Variants in KIAA1328 observed in about 807,000 individuals in gnomAD.
KIAA1328 encodes protein hinderin.
In KIAA1328, 52 loss-of-function variants were observed where a neutral mutation model predicts 68.1. The ratio of observed to expected loss-of-function variants is 0.76; its 90% CI spans 0.61 to 0.96. The LOEUF (loss-of-function observed/expected upper bound fraction) is 0.96, where lower values mean the gene tolerates loss of function less well. Among genes scored for constraint, KIAA1328 ranks in the 40% least tolerant of loss-of-function variants. The probability of loss-of-function intolerance (pLI) is 0.00; values close to 1 mark genes in which losing one functional copy is unlikely to be tolerated. For missense variants in KIAA1328, 641 were observed against 677.6 expected (o/e 0.95, Z 0.60); for synonymous variants, 232 against 239.4 (o/e 0.97, Z 0.28).
chr18:37,192,145 TTGTGTGTGTG>T (rs10667132), intron 9 of KIAA1328, among the ~76,000 whole-genome samples: 14 of 144,640 alleles, frequency 9.7e-5, no homozygotes, highest in Non-Finnish European at 1.8e-4. Context: ...AGTCAAGAAA[TTGTGTGTGTG>T]TGTGTGTGTG....
intron 9 of KIAA1328, among the ~76,000 whole-genome samples, chr18:37,217,920 C>T (rs2060478751): frequency 6.6e-6 from 1 of 152,132 alleles, no homozygotes; most frequent in Non-Finnish European, 1.5e-5. Context: ...GTTATAGCCA[C>T]AGGAGTTAGA....
At chr18:37,177,941 G>A (rs191375536) in intron 9 of KIAA1328, among the ~76,000 whole-genome samples, 32 of 151,994 alleles carry the variant, frequency 2.1e-4, no homozygotes, top group Admixed American at 1.2e-3. Flanking sequence ...CACATCCATC[G>A]CCTCATACAT....
intron 5 of KIAA1328, among the ~76,000 whole-genome samples, chr18:36,914,830 A>G (rs2049620242): frequency 6.6e-6 from 1 of 152,214 alleles, no homozygotes; most frequent in Non-Finnish European, 1.5e-5. Context: ...AGCACCATTT[A>G]TGATACTTTA....
intron 7 of KIAA1328, among the ~76,000 whole-genome samples, chr18:37,086,757 T>C (rs1293818426): frequency 6.6e-6 from 1 of 152,236 alleles, no homozygotes; most frequent in Non-Finnish European, 1.5e-5. Context: ...TTCTAGTTTC[T>C]AGTATTGCCA....
At chr18:37,123,215 G>A (rs1190435123) in intron 7 of KIAA1328, among the ~76,000 whole-genome samples, 1 of 152,108 alleles carries the variant, frequency 6.6e-6, no homozygotes, top group Non-Finnish European at 1.5e-5. Context: ...AAGAAAAACT[G>A]AATGTCTTAT....
chr18:36,958,299 G>T (rs1282222371), intron 5 of KIAA1328, among the ~76,000 whole-genome samples: 1 of 152,032 alleles, frequency 6.6e-6, no homozygotes, highest in Non-Finnish European at 1.5e-5. Context: ...TTTTTAAAAA[G>T]TTTTCTTTGC....
intron 7 of KIAA1328, among the ~76,000 whole-genome samples, chr18:37,137,510 G>A (rs553525329): frequency 6.6e-5 from 10 of 152,168 alleles, no homozygotes; most frequent in East Asian, 3.9e-4. Flanking sequence ...ACCATGCTCC[G>A]ATGGTCACTA....
In KIAA1328 at chr18:36,959,400, T is replaced by G. The variant is rs749804365; in HGVS notation, c.541T>G (p.Ser181Ala). 20 of 1,609,688 alleles carry G rather than the reference T, an allele frequency of 1.2e-5. No individual in the cohort carries two copies. The highest frequency in any genetic ancestry group is 1.7e-5 in the Non-Finnish European group (20 of 1,178,280). Residue 181 changes from serine (S) to alanine (A), a missense_variant, in exon 6 of 10, where the codon TCA (serine) becomes GCA (alanine). By Grantham distance (99) the Ser-to-Ala change is moderately conservative (BLOSUM62 1). Coordinates refer to ENST00000280020, the MANE Select transcript of KIAA1328 (RefSeq NM_020776.3). ...ACAGGAGAAGCTCACCATGTCTCTCTCAGAACTTGGTGCTGCTAGAATGCA... is the reference window on the plus strand; with the variant it reads ...ACAGGAGAAGCTCACCATGTCTCTCGCAGAACTTGGTGCTGCTAGAATGCA... ...EQQEKLTMSLSELGAARMQEQ... is the reference protein window; with the variant it reads ...EQQEKLTMSLAELGAARMQEQ...
chr18:36,831,744 T>C (rs534278366), intron 1 of KIAA1328, among the ~76,000 whole-genome samples: 2 of 152,322 alleles, frequency 1.3e-5, no homozygotes, highest in South Asian at 4.1e-4. Context: ...TAATTACATA[T>C]ACATGTATTG....
At chr18:37,155,962 A>G (rs2059142772) in intron 7 of KIAA1328, among the ~76,000 whole-genome samples, 1 of 152,164 alleles carries the variant, frequency 6.6e-6, no homozygotes, top group Non-Finnish European at 1.5e-5. Flanking sequence ...GTATTTCAGG[A>G]ATCTCTCTTC....
At chr18:36,857,858 A>C (rs1227560016) in intron 4 of KIAA1328, among the ~76,000 whole-genome samples, 1 of 152,178 alleles carries the variant, frequency 6.6e-6, no homozygotes, top group Non-Finnish European at 1.5e-5. Flanking sequence ...TTTTATGGTC[A>C]GAGACCATAT....
At chr18:37,151,727 G>A (rs1157353176) in intron 7 of KIAA1328, among the ~76,000 whole-genome samples, 1 of 152,080 alleles carries the variant, frequency 6.6e-6, no homozygotes, top group Non-Finnish European at 1.5e-5. Flanking sequence ...TACAAATATG[G>A]GGAAGAAATG....
At chr18:36,944,999 A>G in intron 5 of KIAA1328, among the ~76,000 whole-genome samples, 1 of 152,226 alleles carries the variant, frequency 6.6e-6, no homozygotes, top group African/African-American at 2.4e-5. Flanking sequence ...CAGCTTAAGA[A>G]GAAAGCTTTG....
At chr18:37,061,822 C>A (rs1389584664) in intron 6 of KIAA1328, among the ~76,000 whole-genome samples, 3 of 152,044 alleles carry the variant, frequency 2.0e-5, no homozygotes, top group Non-Finnish European at 4.4e-5. Context: ...GTGACCCATA[C>A]CCCATCTTGA....
chr18:37,098,655 G>T (rs1337322490), intron 7 of KIAA1328, among the ~76,000 whole-genome samples: 1 of 152,208 alleles, frequency 6.6e-6, no homozygotes. Context: ...AATGGTACCA[G>T]TTCCTCCTTG....
chr18:37,186,521 C>T (rs2059803547), intron 9 of KIAA1328, among the ~76,000 whole-genome samples: 1 of 134,430 alleles, frequency 7.4e-6, no homozygotes, highest in African/African-American at 2.9e-5. Context: ...GAGCCATGAT[C>T]ACACCACTGC....
intron 4 of KIAA1328, among the ~76,000 whole-genome samples, chr18:36,849,178 C>T (rs1226100510): frequency 6.6e-6 from 1 of 151,838 alleles, no homozygotes; most frequent in Non-Finnish European, 1.5e-5. Flanking sequence ...TAAACAACTC[C>T]TCATTACTCC....
intron 5 of KIAA1328, chr18:36,885,944 T>TG (rs2048487043): frequency 2.6e-6 from 1 of 387,516 alleles, no homozygotes; most frequent in African/African-American, 2.1e-5. Context: ...CTTGAACTCC[T>TG]GACCTCAGGT....
At chr18:36,928,364 ACT>A (rs1462077853) in intron 5 of KIAA1328, among the ~76,000 whole-genome samples, 1 of 152,074 alleles carries the variant, frequency 6.6e-6, no homozygotes, top group Non-Finnish European at 1.5e-5. Context: ...ATGGCTTCTA[ACT>A]CTGTGATCCT....
Sources: allele counts gnomAD v4.1 joint callset (sites outside exome capture counted in the v4.1 genomes callset), GRCh38; gene constraint gnomAD v4.1.1; transcripts MANE v1.5; gene names NCBI Gene and HGNC (gene_info 2026-07-23, HGNC 2026-07-21).